Variants in CFAP92 observed in about 807,000 individuals in gnomAD.
CFAP92 encodes the protein uncharacterized protein CFAP92.
Under a neutral mutation model 106.3 loss-of-function variants are expected in CFAP92, and 86 were observed. The ratio of observed to expected loss-of-function variants is 0.81; its 90% confidence interval spans 0.68 to 0.97. The LOEUF (loss-of-function observed/expected upper bound fraction) is 0.97, where lower values mean the gene tolerates loss of function less well. Among genes scored for constraint, CFAP92 ranks in the 50% least tolerant of loss-of-function variants. CFAP92 has a pLI of 0.00. For missense variants in CFAP92, 1,204 were observed against 1,283.8 expected (o/e 0.94, Z 0.95); for synonymous variants, 477 against 506.4 (o/e 0.94, Z 0.78).
chr3:129,017,566 C>T, the CFAP92 span, among the ~76,000 whole-genome samples: 4 of 152,158 alleles, frequency 2.6e-5, no homozygotes, highest in South Asian at 2.1e-4. Flanking sequence ...ATTTCCTTGC[C>T]GGCTGTCAGC....
chr3:129,005,178 C>T (rs550403025), upstream of CFAP92, among the ~76,000 whole-genome samples: 4 of 152,370 alleles, frequency 2.6e-5, no homozygotes, highest in South Asian at 8.3e-4. Context: ...CTGCCCTGAG[C>T]AGCCACCTGT....
chr3:128,929,115 C>A (rs1303287277), intron 12 of CFAP92, among the ~76,000 whole-genome samples: 2 of 151,992 alleles, frequency 1.3e-5, no homozygotes, highest in East Asian at 1.9e-4. Context: ...GAGATTAATT[C>A]AAAAAGATAC....
At chr3:128,912,193 G>C (rs1936403244) in intron 15 of CFAP92, among the ~76,000 whole-genome samples, 1 of 152,218 alleles carries the variant, frequency 6.6e-6, no homozygotes, top group Non-Finnish European at 1.5e-5. Context: ...TGCTGTGGAG[G>C]GTGCTGAAAT....
Position 128,934,498 on chromosome 3 carries a change from C to T in CFAP92, c.2453+627G>A, listed in dbSNP as rs1485634499. Reference sequence around the variant, plus strand: ...CCTCTCAAAGTGTTGGGATTACAGGCATGAGCCACCGCATCCGGCCTGTTT... The same window carrying T: ...CCTCTCAAAGTGTTGGGATTACAGGTATGAGCCACCGCATCCGGCCTGTTT... On this transcript the variant is annotated intron_variant, in intron 11 of 15. Coordinates refer to ENST00000645291, the MANE Select transcript of CFAP92 (RefSeq NM_001394090.1). Among the ~76,000 whole-genome samples, 5 of 152,218 alleles carry T rather than the reference C, an allele frequency of 3.3e-5. No individual in the cohort carries two copies. In the East Asian group the frequency reaches 9.7e-4, roughly 29 times the overall value.
At chr3:129,025,872 C>T in the CFAP92 span, among the ~76,000 whole-genome samples, 1 of 152,234 alleles carries the variant, frequency 6.6e-6, no homozygotes, top group African/African-American at 2.4e-5. Flanking sequence ...TTCCCAGCTT[C>T]ACTGCCTGTG....
rs955655282 is a variant in CFAP92, at chr3:128,909,926, G to A, written c.*373C>T. 1.3e-6 allele frequency: 2 copies of A among 1,548,304 alleles called. No homozygotes were observed. Among genetic ancestry groups the A allele is most frequent in the Non-Finnish European group, 8.8e-7 (1 of 1,135,436 alleles). ...TGACTCCACTTTCTCAAGGAACACA[G>A]GAGACTAAGACAGGCAAAGATGCAG... On this transcript the variant is annotated 3_prime_UTR_variant, in exon 16 of 16. Coordinates refer to ENST00000645291, the MANE Select transcript of CFAP92 (RefSeq NM_001394090.1).
the CFAP92 span, among the ~76,000 whole-genome samples, chr3:129,008,218 G>A: frequency 1.9e-4 from 29 of 152,334 alleles, no homozygotes; most frequent in Non-Finnish European, 2.9e-5. Context: ...ACCAATAGGT[G>A]GAATATTTTT....
chr3:128,928,619 A>T (rs1937973021), intron 12 of CFAP92, among the ~76,000 whole-genome samples: 1 of 152,230 alleles, frequency 6.6e-6, no homozygotes, highest in Non-Finnish European at 1.5e-5. Context: ...ATGCAAAAAG[A>T]TTAATTTAGA....
chr3:128,993,764 C>T, intron 1 of CFAP92: 2 of 300,530 alleles, frequency 6.7e-6, no homozygotes, highest in Non-Finnish European at 1.2e-5. Context: ...CGTGCAGGAG[C>T]CTGGCGAGGT....
intron 10 of CFAP92, among the ~76,000 whole-genome samples, chr3:128,943,087 A>G (rs1009191928): frequency 1.3e-5 from 2 of 151,618 alleles, no homozygotes. Context: ...AGCCTGGCTC[A>G]TTTTTGTATT....
At position 128,921,443 on chromosome 3, in the gene CFAP92, A is replaced by G. The variant is rs566063680; in HGVS notation, c.2752-5172T>C. On this transcript the variant is annotated intron_variant, in intron 12 of 15. Transcript: ENST00000645291. ...GTCAAACTGCTATTAGACCCCTGAC[A>G]GGGAAGGTTCAGTTAGCTGAATGTA... 2.6e-5 allele frequency among the ~76,000 whole-genome samples: 4 copies of G among 152,358 alleles called. No homozygotes were observed. The South Asian group carries it at 8.3e-4, about 32-fold the overall frequency.
At chr3:128,941,185 A>C (rs1323675201) in intron 10 of CFAP92, among the ~76,000 whole-genome samples, 1 of 152,132 alleles carries the variant, frequency 6.6e-6, no homozygotes, top group East Asian at 1.9e-4. Flanking sequence ...AATGTGTTCC[A>C]ATTTTTAAAA....
rs139495159 is a variant in CFAP92 at position 128,985,757 on chromosome 3, C to T, written c.667+1859G>A. Among the ~76,000 whole-genome samples the T allele has an allele frequency of 8.0e-3, 1,214 of 152,298 alleles. 60 individuals are homozygous for T. The highest frequency in any genetic ancestry group is 0.071 in the Admixed American group (1,084 of 15,284). On this transcript the variant is annotated intron_variant, in intron 4 of 15. Coordinates refer to ENST00000645291, the MANE Select transcript of CFAP92 (RefSeq NM_001394090.1). ...GAGGACATGGTTCTTTCCTATAGTC[C>T]AGGTGAGAAAAATTACCTTGAATCC... is the stretch of plus-strand genomic sequence containing the variant.
intron 9 of CFAP92, among the ~76,000 whole-genome samples, chr3:128,959,591 A>C (rs562617724): frequency 1.3e-5 from 2 of 152,222 alleles, no homozygotes; most frequent in African/African-American, 4.8e-5. Context: ...CTCACAGAAT[A>C]AACAGCAGTG....
Position 128,935,173 on chromosome 3 carries a change from A to T in CFAP92, c.2405T>A (p.Phe802Tyr). The T allele has an allele frequency of 6.5e-7, 1 of 1,535,748 alleles. No homozygotes were observed. The highest frequency in any genetic ancestry group is 8.7e-7 in the Non-Finnish European group (1 of 1,146,630). ...PTELLLQQAV[F>Y]FLRDTERRRV... ...CCTCCGCTCAGTGTCTCGCAGGAAG[A>T]ACACCGCCTGCTGCAGCAGCAGCTC... The change falls in exon 11 of 16, where the codon TTC becomes TAC. Residue 802 changes from phenylalanine to tyrosine, a missense_variant. Physicochemically the swap from Phe to Tyr is conservative, Grantham distance 22. Coordinates refer to ENST00000645291, the MANE Select transcript of CFAP92 (RefSeq NM_001394090.1).
chr3:129,025,775 T>C, the CFAP92 span, among the ~76,000 whole-genome samples: 1 of 152,258 alleles, frequency 6.6e-6, no homozygotes, highest in Non-Finnish European at 1.5e-5. Context: ...GAAGCACTTG[T>C]TCCATTTCTC....
At position 128,994,013 on chromosome 3, in the gene CFAP92, T is replaced by C; in HGVS notation, c.-66A>G. 1 of 987,140 alleles carries C rather than the reference T, an allele frequency of 1.0e-6. No homozygotes were observed. The highest frequency in any genetic ancestry group is 4.7e-5 in the South Asian group (1 of 21,492). 61.1% of individuals were successfully genotyped at this position (987,140 alleles called of 1,614,324 possible). A position where few individuals can be genotyped will look rare whatever the true frequency, so the allele number is the denominator to read the frequency against. On this transcript the variant is annotated 5_prime_UTR_variant, in exon 1 of 16. Transcript: ENST00000645291. ...GGATGCGCTGGGCGGCAGCGGGGAG[T>C]TGGACCGCGGCGGCAACTCCCGTAC...
At chr3:129,004,649 G>A (rs1269738790), upstream of CFAP92, among the ~76,000 whole-genome samples, 3 of 151,874 alleles carry the variant, frequency 2.0e-5, no homozygotes, top group South Asian at 4.2e-4. Context: ...TCCTGGATTC[G>A]ATCATAATGA....
rs753676941 is a variant in CFAP92 at position 128,987,735 on chromosome 3, T to C, written c.548A>G (p.Asn183Ser). The change falls in exon 4 of 16, where the codon AAT (asparagine) becomes AGT (serine). Residue 183 changes from asparagine to serine, a missense_variant. By Grantham distance (46) the Asn-to-Ser change is conservative. Coordinates refer to ENST00000645291, the MANE Select transcript of CFAP92 (RefSeq NM_001394090.1). The stretch of plus-strand genomic sequence containing the variant: ...GAGCCTCAAGGTGATTTTGTGGAAA[T>C]TTATTTTCTTTAATAATTCCTTTGT... ...TVTKELLKKI[N>S]FHKITLRLWN... The C allele has an allele frequency of 7.4e-6, 12 of 1,613,902 alleles. No individual in the cohort carries two copies. The highest frequency in any genetic ancestry group is 1.0e-5 in the Non-Finnish European group (12 of 1,179,872).
Sources: gnomAD v4.1 joint callset for allele counts (sites outside exome capture counted in the v4.1 genomes callset) on GRCh38, gnomAD v4.1.1 for gene constraint, MANE v1.5 for transcripts, NCBI Gene and HGNC (gene_info 2026-07-23, HGNC 2026-07-21) for gene names.